Variants in FBXL17 observed in about 807,000 individuals in gnomAD.
The protein encoded by FBXL17 is F-box and leucine rich repeat protein 17.
A neutral mutation model predicts 66.2 loss-of-function variants in FBXL17; 22 were observed. The ratio of observed to expected loss-of-function variants is 0.33; its 90% confidence interval spans 0.24 to 0.47. The LOEUF (loss-of-function observed/expected upper bound fraction) is 0.47. FBXL17 is among the 20% of genes least tolerant of loss of function. The pLI is 1.00. For synonymous variants in FBXL17, 474 were observed against 400.5 expected, an observed-to-expected ratio of 1.18 and a Z score of -2.19; for missense variants, 878 against 948.2, an observed-to-expected ratio of 0.93 and a Z score of 0.97.
intron 6 of FBXL17, among the ~76,000 whole-genome samples, chr5:108,167,457 A>G (rs527294401): frequency 2.0e-5 from 3 of 152,316 alleles, no homozygotes; most frequent in Admixed American, 1.3e-4. Flanking sequence ...TAATAAGTTT[A>G]GCAAGGTTAG....
chr5:108,007,272 G>A (rs1580318789), intron 7 of FBXL17, among the ~76,000 whole-genome samples: 1 of 152,048 alleles, frequency 6.6e-6, no homozygotes, highest in East Asian at 1.9e-4. Flanking sequence ...GAATAACTTG[G>A]CTCTCAGTCA....
chr5:108,258,275 A>T (rs563329857), intron 4 of FBXL17, among the ~76,000 whole-genome samples: 98 of 152,260 alleles, frequency 6.4e-4, no homozygotes, highest in African/African-American at 2.3e-3. Context: ...CCTCACCAGA[A>T]ATCAAACCCT....
intron 6 of FBXL17, among the ~76,000 whole-genome samples, chr5:108,131,119 T>A (rs1356433981): frequency 6.6e-6 from 1 of 152,146 alleles, no homozygotes; most frequent in Non-Finnish European, 1.5e-5. Context: ...TCTATGCTTG[T>A]TTTATATCTA....
chr5:108,198,430 T>G (rs1039540844), intron 5 of FBXL17, among the ~76,000 whole-genome samples: 1 of 152,124 alleles, frequency 6.6e-6, no homozygotes, highest in Admixed American at 6.6e-5. Flanking sequence ...TAAATAACTA[T>G]GCAGATTTGA....
At chr5:108,154,198 A>G (rs1008447199) in intron 6 of FBXL17, among the ~76,000 whole-genome samples, 1 of 151,192 alleles carries the variant, frequency 6.6e-6, no homozygotes. Flanking sequence ...TGAGAGAGAG[A>G]GAGAGGAGAG....
chr5:108,216,690 G>A (rs896860055), intron 5 of FBXL17, among the ~76,000 whole-genome samples: 3 of 152,098 alleles, frequency 2.0e-5, no homozygotes, highest in Non-Finnish European at 4.4e-5. Context: ...GATAACAAGG[G>A]AAGGGTCCCA....
intron 6 of FBXL17, among the ~76,000 whole-genome samples, chr5:108,066,165 G>C (rs889246039): frequency 2.6e-5 from 4 of 152,076 alleles, no homozygotes; most frequent in Non-Finnish European, 5.9e-5. Flanking sequence ...GGGGACAAAA[G>C]AGACATCATG....
chr5:108,206,417 T>C (rs13162979), intron 5 of FBXL17, among the ~76,000 whole-genome samples: 22,076 of 152,144 alleles, frequency 0.15, 1,918 homozygotes, highest in South Asian at 0.32. Flanking sequence ...ACATACATAT[T>C]TAAAATGTAT....
intron 4 of FBXL17, among the ~76,000 whole-genome samples, chr5:108,253,624 G>T (rs373695639): frequency 6.6e-6 from 1 of 152,048 alleles, no homozygotes; most frequent in African/African-American, 2.4e-5. Flanking sequence ...CTAACATTCC[G>T]CATTAACCAT....
chr5:108,283,936 A>G (rs1400056427), intron 4 of FBXL17, among the ~76,000 whole-genome samples: 1 of 152,032 alleles, frequency 6.6e-6, no homozygotes, highest in Non-Finnish European at 1.5e-5. Flanking sequence ...ATATGAAACA[A>G]TACTCCACAT....
At chr5:108,029,815 T>A (rs1434533364) in intron 6 of FBXL17, among the ~76,000 whole-genome samples, 2 of 152,004 alleles carry the variant, frequency 1.3e-5, no homozygotes, top group African/African-American at 2.4e-5. Context: ...GTCTTCCACA[T>A]TTCCTTTTTA....
chr5:107,872,574 T>C (rs1204229540), intron 8 of FBXL17, among the ~76,000 whole-genome samples: 1 of 152,224 alleles, frequency 6.6e-6, no homozygotes, highest in Non-Finnish European at 1.5e-5. Context: ...TCATCCAGCA[T>C]GCAATACATA....
At chr5:108,285,342 G>A (rs917459574) in intron 4 of FBXL17, among the ~76,000 whole-genome samples, 1 of 151,816 alleles carries the variant, frequency 6.6e-6, no homozygotes, top group Non-Finnish European at 1.5e-5. Context: ...GTTCTTAATG[G>A]CATCTAGAAT....
intron 4 of FBXL17, among the ~76,000 whole-genome samples, chr5:108,318,018 C>T (rs1759450899): frequency 6.6e-6 from 1 of 151,294 alleles, no homozygotes; most frequent in African/African-American, 2.4e-5. Flanking sequence ...AAACAGATCA[C>T]AAAAATATTC....
intron 8 of FBXL17, chr5:107,879,703 CT>C: frequency 1.0e-6 from 1 of 985,432 alleles, no homozygotes; most frequent in African/African-American, 1.7e-5. Context: ...AATGGCGTGT[CT>C]ATTTAGTTTC....
At chr5:108,246,553 G>T (rs989095223) in intron 4 of FBXL17, among the ~76,000 whole-genome samples, 1 of 152,130 alleles carries the variant, frequency 6.6e-6, no homozygotes. Context: ...ACTTCAGATG[G>T]TTAAGACTTG....
At chr5:107,934,896 AG>A (rs1750848194) in intron 7 of FBXL17, among the ~76,000 whole-genome samples, 2 of 152,288 alleles carry the variant, frequency 1.3e-5, no homozygotes, top group South Asian at 2.1e-4. Context: ...TTAAACATGT[AG>A]GTGACAATCG....
At chr5:107,920,432 T>C (rs987042004) in intron 7 of FBXL17, among the ~76,000 whole-genome samples, 6 of 152,150 alleles carry the variant, frequency 3.9e-5, no homozygotes, top group African/African-American at 1.2e-4. Context: ...AATCTTAGTA[T>C]AGGAATTCCG....
chr5:108,351,618 C>A (rs1035454162), intron 3 of FBXL17, among the ~76,000 whole-genome samples: 3 of 152,150 alleles, frequency 2.0e-5, no homozygotes, highest in Non-Finnish European at 4.4e-5. Flanking sequence ...GGTTAACAAT[C>A]CCATTTAGCA....
Sources: gnomAD v4.1 joint callset for allele counts (sites outside exome capture counted in the v4.1 genomes callset) on GRCh38, gnomAD v4.1.1 for gene constraint, MANE v1.5 for transcripts, NCBI Gene and HGNC (gene_info 2026-07-23, HGNC 2026-07-21) for gene names.